The following ZSWIM7 variants were observed in gnomAD, a reference collection of about 807,000 sequenced individuals.
ZSWIM7 encodes the protein zinc finger SWIM domain-containing protein 7.
Under a neutral mutation model 21.1 loss-of-function variants are expected in ZSWIM7, and 22 were observed. The observed-to-expected ratio is 1.04, with a 90% CI of 0.74 to 1.49. The LOEUF (loss-of-function observed/expected upper bound fraction) is 1.49, where lower values mean the gene tolerates loss of function less well. Among genes scored for constraint, ZSWIM7 ranks in the 40% most tolerant of loss-of-function variants. ZSWIM7 has a pLI of 0.00. For missense variants in ZSWIM7, 193 were observed against 168.0 expected (o/e 1.15, Z -0.82); for synonymous variants, 67 against 66.5 (o/e 1.01, Z -0.04).
chr17:15,988,099 TAAC>T (rs1970437985), intron 2 of ZSWIM7, among the ~76,000 whole-genome samples: 2 of 152,318 alleles, frequency 1.3e-5, no homozygotes, highest in African/African-American at 4.8e-5. Context: ...CACACATACA[TAAC>T]AAACACACGT....
intron 3 of ZSWIM7, among the ~76,000 whole-genome samples, chr17:15,981,774 G>C (rs948678182): frequency 6.6e-6 from 1 of 152,114 alleles, no homozygotes; most frequent in African/African-American, 2.4e-5. Context: ...TTTAAAGTCA[G>C]GTATGGTGGC....
In ZSWIM7 at chr17:15,999,662, G is replaced by A. The variant is rs769141845; in HGVS notation, c.-68C>T. ...ACGCTCCAGCTGACTGCGCCTACCTGTGGAGGATCCTGACCCCCCGCCGGG... is the reference window on the plus strand; with the variant it reads ...ACGCTCCAGCTGACTGCGCCTACCTATGGAGGATCCTGACCCCCCGCCGGG... On this transcript the variant is annotated 5_prime_UTR_variant, in exon 1 of 5. Transcript: ENST00000399277. The A allele has an allele frequency of 1.9e-5, 29 of 1,563,128 alleles. No individual in the cohort carries two copies. The African/African-American group carries it at 2.9e-4, about 15-fold the overall frequency.
intron 2 of ZSWIM7, 44 bp downstream of exon 2, chr17:15,993,713 T>C (rs1176455555): frequency 7.3e-7 from 1 of 1,366,406 alleles, no homozygotes. Context: ...GATTTTAACA[T>C]TAATGGTTAA....
chr17:15,984,569 T>A (rs1402150042), intron 3 of ZSWIM7, among the ~76,000 whole-genome samples: 1 of 152,238 alleles, frequency 6.6e-6, no homozygotes, highest in Non-Finnish European at 1.5e-5. Flanking sequence ...TACATGGTCA[T>A]CCATTCATGG....
chr17:15,996,487 A>G (rs1403252259), intron 1 of ZSWIM7, among the ~76,000 whole-genome samples: 1 of 152,148 alleles, frequency 6.6e-6, no homozygotes, highest in Non-Finnish European at 1.5e-5. Flanking sequence ...TCTACAGAAA[A>G]TAAAATAATC....
chr17:15,987,953 G>A (rs540159141), intron 2 of ZSWIM7, among the ~76,000 whole-genome samples: 77 of 152,206 alleles, frequency 5.1e-4, no homozygotes, highest in Middle Eastern at 6.8e-3. Flanking sequence ...TAGTGATAAA[G>A]AAGCCCTCTT....
intron 3 of ZSWIM7, 136 bp downstream of exon 3, chr17:15,987,130 A>C (rs1476139342): frequency 1.7e-6 from 1 of 605,508 alleles, no homozygotes; most frequent in African/African-American, 1.9e-5. Flanking sequence ...TCAATTCGTT[A>C]ATTTTACCAA....
intron 2 of ZSWIM7, among the ~76,000 whole-genome samples, chr17:15,991,272 T>C (rs1439663756): frequency 6.6e-6 from 1 of 152,130 alleles, no homozygotes; most frequent in Non-Finnish European, 1.5e-5. Context: ...AATTGTTAGA[T>C]TGTTTCTATG....
At chr17:15,999,279 G>A in intron 1 of ZSWIM7, 7 of 628,874 alleles carry the variant, frequency 1.1e-5, no homozygotes, top group South Asian at 7.5e-5. Context: ...CCGACGGAGG[G>A]GCTCCTGCAA....
intron 1 of ZSWIM7, 186 bp downstream of exon 1, chr17:15,999,333 C>G (rs1342019342): frequency 5.1e-6 from 4 of 778,206 alleles, no homozygotes; most frequent in Non-Finnish European, 8.4e-6. Context: ...TTGACTTTTA[C>G]TTGTTCCAAT....
At chr17:15,995,996 A>G (rs1970549135) in intron 1 of ZSWIM7, among the ~76,000 whole-genome samples, 1 of 152,256 alleles carries the variant, frequency 6.6e-6, no homozygotes, top group South Asian at 2.1e-4. Flanking sequence ...TAGTGGAAAA[A>G]TGTTTTCAGA....
chr17:15,981,597 G>C lies in ZSWIM7; in HGVS notation c.202-453C>G, dbSNP rs1328214985. ...GAGAGTAAAAACAGGCAAAGGGTCA[G>C]TAGCAGGGCAGGAGTAAGATAAGTC... On this transcript the variant is annotated intron_variant, in intron 3 of 4. Coordinates refer to ENST00000399277, the MANE Select transcript of ZSWIM7 (RefSeq NM_001042697.2). Among the ~76,000 whole-genome samples the C allele has an allele frequency of 2.6e-5, 4 of 152,144 alleles. No homozygotes were observed. In the South Asian group the frequency reaches 6.2e-4, roughly 24 times the overall value.
At chr17:15,989,159 C>CATT (rs1970451728) in intron 2 of ZSWIM7, among the ~76,000 whole-genome samples, 1 of 152,114 alleles carries the variant, frequency 6.6e-6, no homozygotes, top group South Asian at 2.1e-4. Context: ...AGTAATAAGG[C>CATT]TATCCAACTG....
chr17:15,980,240 C>T (rs1970339668), intron 4 of ZSWIM7: 1 of 152,572 alleles, frequency 6.6e-6, no homozygotes. Flanking sequence ...GGCCTGTACA[C>T]ACCTCTGGGG....
At chr17:15,981,648 C>A (rs1260852628) in intron 3 of ZSWIM7, among the ~76,000 whole-genome samples, 1 of 152,128 alleles carries the variant, frequency 6.6e-6, no homozygotes, top group Non-Finnish European at 1.5e-5. Context: ...TGGCTCAAAG[C>A]CTGTAATCCC....
intron 3 of ZSWIM7, among the ~76,000 whole-genome samples, chr17:15,986,234 G>A (rs940527093): frequency 1.4e-4 from 21 of 152,228 alleles, no homozygotes; most frequent in Middle Eastern, 3.4e-3. Flanking sequence ...AGTAGACACG[G>A]GGTTTCACCA....
intron 2 of ZSWIM7, among the ~76,000 whole-genome samples, chr17:15,992,749 A>T (rs1303245112): frequency 6.6e-6 from 1 of 152,116 alleles, no homozygotes; most frequent in South Asian, 2.1e-4. Context: ...AACAGCCACA[A>T]TTTTTAAAAC....
intron 2 of ZSWIM7, among the ~76,000 whole-genome samples, chr17:15,991,280 A>G (rs575868760): frequency 6.6e-6 from 1 of 152,116 alleles, no homozygotes; most frequent in South Asian, 2.1e-4. Context: ...GATTGTTTCT[A>G]TGTTTTATTG....
chr17:15,988,098 A>C (rs955081074), intron 2 of ZSWIM7, among the ~76,000 whole-genome samples: 10 of 152,210 alleles, frequency 6.6e-5, no homozygotes, highest in Admixed American at 5.2e-4. Context: ...GCACACATAC[A>C]TAACAAACAC....
Sources: gnomAD v4.1 joint callset for allele counts (sites outside exome capture counted in the v4.1 genomes callset) on GRCh38, gnomAD v4.1.1 for gene constraint, MANE v1.5 for transcripts, NCBI Gene and HGNC (gene_info 2026-07-23, HGNC 2026-07-21) for gene names.